Variants in PTPRD observed in about 807,000 individuals in gnomAD.
PTPRD encodes protein tyrosine phosphatase receptor type D, also known as receptor-type tyrosine-protein phosphatase delta.
PTPRD carries 34 observed loss-of-function variants against 214.5 expected under a neutral mutation model. That is an observed-to-expected ratio of 0.16 (90% confidence interval 0.12 to 0.21). The LOEUF (loss-of-function observed/expected upper bound fraction) is 0.21, where lower values mean the gene tolerates loss of function less well. Among genes scored for constraint, PTPRD ranks in the 10% least tolerant of loss-of-function variants. PTPRD has a pLI of 1.00. For missense variants in PTPRD, 2,545 were observed against 2,398.7 expected (o/e 1.06, Z -1.27); for synonymous variants, 1,128 against 845.7 (o/e 1.33, Z -5.79).
chr9:8,323,953 A>T (rs1363845279), intron 44 of PTPRD, among the ~76,000 whole-genome samples: 1 of 152,136 alleles, frequency 6.6e-6, no homozygotes, highest in Non-Finnish European at 1.5e-5. Flanking sequence ...GGCAAACTTC[A>T]TTATTATTTT....
chr9:10,581,731 T>C (rs971420976), intron 2 of PTPRD, among the ~76,000 whole-genome samples: 2 of 152,122 alleles, frequency 1.3e-5, no homozygotes, highest in Non-Finnish European at 2.9e-5. Context: ...ATCCCTCAGT[T>C]TAGTCTCAGC....
At position 8,331,725 on chromosome 9, in the gene PTPRD, G is replaced by A. The variant is rs751561542; in HGVS notation, c.5391C>T (p.Ser1797=). ...FKVTDARDGQ[S]RTVRQFQFTD... ...TGAACTGGAACTGCCTTACTGTTCG[G>A]GACTGGCCGTCCTTTAGAAGGAAAG... The change falls in exon 44 of 46, where the codon TCC becomes TCT. Residue 1797 remains serine, a synonymous_variant. Coordinates refer to ENST00000381196, the MANE Select transcript of PTPRD (RefSeq NM_002839.4). 5.6e-6 allele frequency: 9 copies of A among 1,600,056 alleles called. No individual in the cohort carries two copies. Among genetic ancestry groups the A allele is most frequent in the Non-Finnish European group, 5.1e-6 (6 of 1,174,056 alleles).
At chr9:9,946,554 G>A (rs1278032160) in intron 4 of PTPRD, among the ~76,000 whole-genome samples, 1 of 152,146 alleles carries the variant, frequency 6.6e-6, no homozygotes, top group East Asian at 1.9e-4. Context: ...GTGACTTTTT[G>A]CCTGGATCTT....
chr9:8,643,650 C>A (rs2096625357), intron 12 of PTPRD, among the ~76,000 whole-genome samples: 1 of 152,226 alleles, frequency 6.6e-6, no homozygotes, highest in South Asian at 2.1e-4. Context: ...GATCTCAGAG[C>A]AGAGTTGAGG....
chr9:8,829,695 C>A (rs2097250604), intron 11 of PTPRD, among the ~76,000 whole-genome samples: 2 of 152,240 alleles, frequency 1.3e-5, no homozygotes, highest in South Asian at 4.1e-4. Context: ...CACATTAATG[C>A]ATCATCCTCT....
intron 10 of PTPRD, among the ~76,000 whole-genome samples, chr9:9,059,934 T>C (rs907494597): frequency 2.6e-5 from 4 of 152,142 alleles, no homozygotes; most frequent in Non-Finnish European, 5.9e-5. Flanking sequence ...CCCATATTTA[T>C]CAGTGGAAAG....
At chr9:8,957,667 C>G (rs930092366) in intron 11 of PTPRD, among the ~76,000 whole-genome samples, 2 of 151,892 alleles carry the variant, frequency 1.3e-5, no homozygotes, top group African/African-American at 4.8e-5. Flanking sequence ...TACATCTCAT[C>G]TGCAGCTGAA....
chr9:9,669,656 A>T (rs2096789265), intron 7 of PTPRD, among the ~76,000 whole-genome samples: 1 of 152,158 alleles, frequency 6.6e-6, no homozygotes, highest in African/African-American at 2.4e-5. Context: ...TTTGTCTTTA[A>T]TGAATACATT....
rs1897680 is a variant in PTPRD at position 8,837,794 on chromosome 9, A to T, written c.-103-103848T>A. 9.3e-3 allele frequency among the ~76,000 whole-genome samples: 1,416 copies of T among 152,258 alleles called. 18 individuals carry two copies. The highest frequency in any genetic ancestry group is 0.031 in the African/African-American group (1,300 of 41,558). On this transcript the variant is annotated intron_variant, in intron 11 of 45. Transcript: ENST00000381196. ...TGGGATTACAAGTGTGAGCCACCGC[A>T]GCCAGCCTGATATTCCCTTTAAAAC...
At chr9:10,009,875 T>C (rs754572104) in intron 4 of PTPRD, among the ~76,000 whole-genome samples, 19 of 151,982 alleles carry the variant, frequency 1.3e-4, no homozygotes, top group Non-Finnish European at 2.5e-4. Context: ...CAGTCTGTTC[T>C]GTCAGTCTTA....
At chr9:8,506,974 T>A (rs1402735390) in intron 22 of PTPRD, among the ~76,000 whole-genome samples, 1 of 152,190 alleles carries the variant, frequency 6.6e-6, no homozygotes, top group African/African-American at 2.4e-5. Context: ...GAGAAAGTCC[T>A]CAAGTCTCAT....
intron 11 of PTPRD, among the ~76,000 whole-genome samples, chr9:8,750,176 G>C (rs1240913343): frequency 1.3e-5 from 2 of 151,744 alleles, no homozygotes; most frequent in East Asian, 3.9e-4. Flanking sequence ...GTAATTTTTT[G>C]AGACAGAGTC....
chr9:10,074,806 A>C (rs2098104840), intron 3 of PTPRD, among the ~76,000 whole-genome samples: 1 of 152,110 alleles, frequency 6.6e-6, no homozygotes, highest in African/African-American at 2.4e-5. Flanking sequence ...CACAGTATAT[A>C]TAGCATCAAT....
At chr9:9,711,944 G>C (rs376392597) in intron 7 of PTPRD, among the ~76,000 whole-genome samples, 1 of 152,120 alleles carries the variant, frequency 6.6e-6, no homozygotes, top group Non-Finnish European at 1.5e-5. Context: ...TAAGCCAACA[G>C]CATCTCCCTG....
At position 8,561,751 on chromosome 9, in the gene PTPRD, AT is replaced by A. The variant is rs35530419; in HGVS notation, c.353-32973del. ...AAAGTCTTTAGGAAAGGATCCTTGG[AT>A]TTTTTTTTTTTTTCCATTCAGGAGC... On this transcript the variant is annotated intron_variant, in intron 14 of 45. Transcript: ENST00000381196. Among the ~76,000 whole-genome samples, 502 of 144,804 alleles carry A rather than the reference AT, an allele frequency of 3.5e-3. 1 individual carries two copies. Among genetic ancestry groups the A allele is most frequent in the Middle Eastern group, 0.015 (4 of 268 alleles). The allele number at this position is 144,804 out of a possible 152,430, so 95.0% of individuals were successfully genotyped here.
intron 37 of PTPRD, 82 bp from the exon 38 acceptor site, chr9:8,376,808 A>G: frequency 1.3e-6 from 2 of 1,573,604 alleles, no homozygotes; most frequent in Admixed American, 1.8e-5. Flanking sequence ...GTTGAAGGAA[A>G]ACAGCTTTTC....
intron 3 of PTPRD, among the ~76,000 whole-genome samples, chr9:10,309,511 T>A (rs2096202247): frequency 7.0e-6 from 1 of 142,376 alleles, no homozygotes. Context: ...CACCACCACA[T>A]CCAGCTATTT....
intron 5 of PTPRD, among the ~76,000 whole-genome samples, chr9:9,772,007 G>T (rs529664017): frequency 6.6e-6 from 1 of 152,082 alleles, no homozygotes; most frequent in Admixed American, 6.6e-5. Flanking sequence ...GGTGTTATGC[G>T]CTGAATTGTG....
intron 11 of PTPRD, among the ~76,000 whole-genome samples, chr9:8,899,122 C>A (rs1015100406): frequency 6.6e-6 from 1 of 151,982 alleles, no homozygotes; most frequent in Non-Finnish European, 1.5e-5. Context: ...AACGGAGAAC[C>A]AGGCAAGATA....
Sources: gnomAD v4.1 joint callset for allele counts (sites outside exome capture counted in the v4.1 genomes callset) on GRCh38, gnomAD v4.1.1 for gene constraint, MANE v1.5 for transcripts, NCBI Gene and HGNC (gene_info 2026-07-23, HGNC 2026-07-21) for gene names.